Variants in INVS observed in about 807,000 individuals in gnomAD.
The protein encoded by INVS is inversin.
INVS carries 86 observed loss-of-function variants against 108.8 expected under a neutral mutation model. The ratio of observed to expected loss-of-function variants is 0.79; its 90% confidence interval spans 0.66 to 0.95. INVS has a LOEUF of 0.95. Among genes scored for constraint, INVS ranks in the 40% least tolerant of loss-of-function variants. The probability of loss-of-function intolerance (pLI) is 0.00; values close to 1 mark genes in which losing one functional copy is unlikely to be tolerated. For synonymous variants in INVS, 455 were observed against 473.5 expected, an observed-to-expected ratio of 0.96 and a Z score of 0.51; for missense variants, 1,169 against 1,297.4, an observed-to-expected ratio of 0.90 and a Z score of 1.52.
At chr9:100,116,958 C>T (rs1827552347) in intron 2 of INVS, 2 of 1,557,442 alleles carry the variant, frequency 1.3e-6, no homozygotes, top group Non-Finnish European at 1.7e-6. Context: ...CAGCCCCGGG[C>T]TGAGGTGTAG....
chr9:100,284,026 G>A lies in INVS; in HGVS notation c.1785-294G>A, dbSNP rs116446945. ...CACATAAGCTTGGGGCACATACACC[G>A]TTGGGAGTGTGTTATGTTTCACACA... On this transcript the variant is annotated intron_variant, in intron 12 of 16. Transcript: ENST00000262457. Among the ~76,000 whole-genome samples, 769 of 152,260 alleles carry A rather than the reference G, an allele frequency of 5.1e-3. 8 individuals carry two copies. Among genetic ancestry groups the A allele is most frequent in the African/African-American group, 0.017 (724 of 41,536 alleles).
intron 12 of INVS, among the ~76,000 whole-genome samples, chr9:100,276,416 G>A (rs1307760412): frequency 6.6e-6 from 1 of 152,142 alleles, no homozygotes; most frequent in Non-Finnish European, 1.5e-5. Context: ...GCCTTTTTAT[G>A]TGCTTGCTAG....
At chr9:100,239,169 A>G (rs1271280914) in intron 5 of INVS, among the ~76,000 whole-genome samples, 1 of 152,242 alleles carries the variant, frequency 6.6e-6, no homozygotes, top group East Asian at 1.9e-4. Context: ...CATGTGCTAC[A>G]AGGGATATGT....
chr9:100,151,978 C>A (rs1350781904), intron 3 of INVS, among the ~76,000 whole-genome samples: 3 of 152,160 alleles, frequency 2.0e-5, no homozygotes, highest in Non-Finnish European at 4.4e-5. Flanking sequence ...TTACAACTGC[C>A]TAAACTACGT....
At chr9:100,246,814 T>A in intron 8 of INVS, 27 bp downstream of exon 8, 1 of 1,606,194 alleles carries the variant, frequency 6.2e-7, no homozygotes, top group South Asian at 1.1e-5. Context: ...ACATTCAATT[T>A]GCTTTCATTT....
In INVS at chr9:100,187,277, G is replaced by A. The variant is rs149133527; in HGVS notation, c.274-38785G>A. On this transcript the variant is annotated intron_variant, in intron 3 of 16. Transcript: ENST00000262457. Reference sequence around the variant, plus strand: ...TATAGCCTTGTAATATAATTTGAAGGCAGGTAATTGTGATGCCTCCAGATT... The same window carrying A: ...TATAGCCTTGTAATATAATTTGAAGACAGGTAATTGTGATGCCTCCAGATT... Among the ~76,000 whole-genome samples the A allele has an allele frequency of 4.0e-3, 609 of 152,082 alleles. 1 individual carries two copies. Among genetic ancestry groups the A allele is most frequent in the African/African-American group, 0.014 (576 of 41,498 alleles).
chr9:100,151,686 T>C (rs997255588), intron 3 of INVS, among the ~76,000 whole-genome samples: 5 of 152,188 alleles, frequency 3.3e-5, no homozygotes, highest in African/African-American at 1.2e-4. Flanking sequence ...AGAATCATTC[T>C]GGCCAAGTGA....
chr9:100,207,144 G>A (rs1432161999), intron 3 of INVS, among the ~76,000 whole-genome samples: 2 of 150,836 alleles, frequency 1.3e-5, no homozygotes, highest in Admixed American at 6.6e-5. Flanking sequence ...GTATCTTGTG[G>A]GAGCTAATTT....
chr9:100,100,811 A>AATATATATT lies in INVS; in HGVS notation c.-25+1403_-25+1404insTATATATAT, dbSNP rs1554712501. Among the ~76,000 whole-genome samples, 40 of 13,200 alleles carry AATATATATT rather than the reference A, an allele frequency of 3.0e-3. 2 individuals are homozygous for AATATATATT. The highest frequency in any genetic ancestry group is 6.5e-3 in the South Asian group (3 of 460). 8.7% of individuals were successfully genotyped at this position (13,200 alleles called of 152,430 possible). A position where few individuals can be genotyped will look rare whatever the true frequency, so the allele number is the denominator to read the frequency against. ...TTATATATATAATATATGTATATAT[A>AATATATATT]ATATATATAATATATGTATATATAA... On this transcript the variant is annotated intron_variant, in intron 1 of 16. Coordinates refer to ENST00000262457, the MANE Select transcript of INVS (RefSeq NM_014425.5).
chr9:100,288,851 C>G (rs560247625), intron 13 of INVS, among the ~76,000 whole-genome samples: 1 of 152,174 alleles, frequency 6.6e-6, no homozygotes, highest in East Asian at 1.9e-4. Context: ...GTCTCAAACT[C>G]CTGGACTCAA....
intron 10 of INVS, among the ~76,000 whole-genome samples, chr9:100,264,100 T>A (rs1347506525): frequency 6.6e-6 from 1 of 152,160 alleles, no homozygotes; most frequent in Non-Finnish European, 1.5e-5. Context: ...CTATGAAGTG[T>A]CCCTCTTTAT....
At chr9:100,135,533 T>C (rs993957454) in intron 3 of INVS, among the ~76,000 whole-genome samples, 4 of 152,218 alleles carry the variant, frequency 2.6e-5, no homozygotes, top group East Asian at 3.9e-4. Flanking sequence ...ATTCTGCTTA[T>C]ACCATTTGTC....
intron 1 of INVS, chr9:100,101,455 C>T (rs911245306): frequency 4.6e-5 from 7 of 152,064 alleles, no homozygotes; most frequent in Non-Finnish European, 1.0e-4. Context: ...CTGGATATGA[C>T]AGTAGTTCTT....
chr9:100,199,054 T>C (rs1830465929), intron 3 of INVS, among the ~76,000 whole-genome samples: 1 of 152,248 alleles, frequency 6.6e-6, no homozygotes, highest in African/African-American at 2.4e-5. Flanking sequence ...TTTTCATCAC[T>C]AATTACATTC....
intron 3 of INVS, among the ~76,000 whole-genome samples, chr9:100,131,440 G>A (rs1828052756): frequency 6.6e-6 from 1 of 151,994 alleles, no homozygotes; most frequent in Non-Finnish European, 1.5e-5. Flanking sequence ...CTGAAGAAAT[G>A]GTACCCATGA....
rs556807161 is a variant in INVS, at chr9:100,292,637, C to T, written c.2380C>T (p.Arg794Cys). ...PKAKCAPQKR[R>C]TQELRGGRCS... is the part of the protein sequence containing the mutation. ...GGCCAAATGTGCCCCCCAGAAAAGGCGCACTCAAGAGCTCAGAGGAGGAAG... is the reference window on the plus strand; with the variant it reads ...GGCCAAATGTGCCCCCCAGAAAAGGTGCACTCAAGAGCTCAGAGGAGGAAG... Residue 794 changes from arginine to cysteine, a missense_variant, in exon 14 of 17, where the codon CGC (arginine) becomes TGC (cysteine). Arg to Cys is a radical substitution (Grantham distance 180). Around this residue, in one of 3 missense-constraint regions of INVS, gnomAD observed 533 missense variants for 536.0 expected, o/e 0.99. Coordinates refer to ENST00000262457, the MANE Select transcript of INVS (RefSeq NM_014425.5). The T allele has an allele frequency of 1.7e-5, 27 of 1,614,060 alleles. No homozygotes were observed. The highest frequency in any genetic ancestry group is 2.7e-5 in the African/African-American group (2 of 74,920).
intron 2 of INVS, among the ~76,000 whole-genome samples, chr9:100,117,980 T>C (rs774328733): frequency 5.3e-5 from 8 of 151,938 alleles, no homozygotes; most frequent in Non-Finnish European, 1.2e-4. Context: ...CAGAACCTGA[T>C]CATGCTGGCA....
intron 10 of INVS, among the ~76,000 whole-genome samples, chr9:100,258,094 G>A (rs564798975): frequency 7.9e-5 from 12 of 152,136 alleles, no homozygotes; most frequent in South Asian, 2.1e-4. Context: ...TTTCTTGGAG[G>A]CTTTGTTCAT....
At chr9:100,286,455 T>A (rs1833445367) in intron 13 of INVS, among the ~76,000 whole-genome samples, 1 of 152,132 alleles carries the variant, frequency 6.6e-6, no homozygotes, top group East Asian at 1.9e-4. Flanking sequence ...TCACAAGAAT[T>A]GCTTGAACTT....
Sources: gnomAD v4.1 joint callset for allele counts (sites outside exome capture counted in the v4.1 genomes callset) on GRCh38, gnomAD v4.1.1 for gene constraint, gnomAD v4.1.1 regional missense constraint, MANE v1.5 for transcripts, NCBI Gene and HGNC (gene_info 2026-07-23, HGNC 2026-07-21) for gene names.